Variants in TTLL5 observed in about 807,000 individuals in gnomAD.
The protein encoded by TTLL5 is tubulin tyrosine ligase like 5, also known as tubulin polyglutamylase TTLL5.
TTLL5 carries 132 observed loss-of-function variants against 168.4 expected under a neutral mutation model. The ratio of observed to expected loss-of-function variants is 0.78; its 90% CI spans 0.68 to 0.91. TTLL5 has a LOEUF of 0.91. Ranked by LOEUF, TTLL5 falls within the 40% of genes least tolerant of loss-of-function variation. The pLI is 0.00. For synonymous variants in TTLL5, 546 were observed against 558.6 expected (o/e 0.98, Z 0.32); for missense variants, 1,545 against 1,581.5 (o/e 0.98, Z 0.39).
intron 31 of TTLL5, among the ~76,000 whole-genome samples, chr14:75,902,986 A>G (rs2032991644): frequency 6.6e-6 from 1 of 152,202 alleles, no homozygotes; most frequent in Non-Finnish European, 1.5e-5. Flanking sequence ...GTATTATTGC[A>G]TGCCTGAGAC....
intron 26 of TTLL5, among the ~76,000 whole-genome samples, chr14:75,786,753 A>T (rs144590675): frequency 6.6e-6 from 1 of 152,338 alleles, no homozygotes; most frequent in East Asian, 1.9e-4. Context: ...GGGAGAAGAA[A>T]AATGAATTGT....
intron 17 of TTLL5, among the ~76,000 whole-genome samples, chr14:75,749,408 A>T (rs1889809677): frequency 6.6e-6 from 1 of 152,208 alleles, no homozygotes; most frequent in South Asian, 2.1e-4. Flanking sequence ...AAACCAAAAT[A>T]CTGTATTTTT....
intron 23 of TTLL5, among the ~76,000 whole-genome samples, chr14:75,779,309 A>G (rs956988048): frequency 6.6e-6 from 1 of 152,212 alleles, no homozygotes; most frequent in Non-Finnish European, 1.5e-5. Context: ...TTTGAATTTA[A>G]ATAGTCACAT....
In TTLL5 at chr14:75,735,309, G is replaced by A. The variant is rs1888812065; in HGVS notation, c.1281+20G>A. 1 of 1,613,090 alleles carries A rather than the reference G, an allele frequency of 6.2e-7. No individual in the cohort carries two copies. Among genetic ancestry groups the A allele is most frequent in the African/African-American group, 1.3e-5 (1 of 74,934 alleles). The stretch of plus-strand genomic sequence containing the variant: ...CCTCAGGTAAGCCAATTCCACAGCA[G>A]GGAGCCTGAAGGAGGCTTACTGGGA... On this transcript the variant is annotated intron_variant, in intron 15 of 31. Coordinates refer to ENST00000298832, the MANE Select transcript of TTLL5 (RefSeq NM_015072.5).
chr14:75,881,929 A>G (rs1457992643), intron 29 of TTLL5, among the ~76,000 whole-genome samples: 1 of 152,160 alleles, frequency 6.6e-6, no homozygotes, highest in African/African-American at 2.4e-5. Flanking sequence ...ATATGTTGAC[A>G]TTTGTGATGT....
chr14:75,945,069 A>T (rs886982091), intron 31 of TTLL5, among the ~76,000 whole-genome samples: 1 of 151,986 alleles, frequency 6.6e-6, no homozygotes, highest in African/African-American at 2.4e-5. Context: ...AGACGCCAGA[A>T]GTATGCCAGC....
Position 75,765,666 on chromosome 14 carries a change from C to A in TTLL5, c.1709-396C>A, listed in dbSNP as rs569960669. 2.6e-5 allele frequency among the ~76,000 whole-genome samples: 4 copies of A among 152,146 alleles called. No individual in the cohort carries two copies. In the South Asian group the frequency reaches 6.2e-4, roughly 24 times the overall value. ...TCGCTTGAGCCCAGGAGTTCGAGACCAGCCCAGGCAATCTGGCAAAATCCT... is the reference window on the plus strand; with the variant it reads ...TCGCTTGAGCCCAGGAGTTCGAGACAAGCCCAGGCAATCTGGCAAAATCCT... On this transcript the variant is annotated intron_variant, in intron 19 of 31. Coordinates refer to ENST00000298832, the MANE Select transcript of TTLL5 (RefSeq NM_015072.5).
chr14:75,683,753 A>T (rs2140122858), intron 5 of TTLL5, 97 bp downstream of exon 5: 1 of 906,140 alleles, frequency 1.1e-6, no homozygotes, highest in Non-Finnish European at 1.7e-6. Flanking sequence ...GAAGAGGAAG[A>T]TGAAAATGAA....
intron 30 of TTLL5, among the ~76,000 whole-genome samples, chr14:75,901,276 A>G (rs2032909370): frequency 6.6e-6 from 1 of 152,230 alleles, no homozygotes; most frequent in African/African-American, 2.4e-5. Flanking sequence ...GGTGATGGAT[A>G]CTAAGCAACC....
intron 26 of TTLL5, among the ~76,000 whole-genome samples, chr14:75,785,305 G>A (rs963113857): frequency 5.4e-5 from 8 of 149,078 alleles, no homozygotes; most frequent in South Asian, 2.2e-4. Context: ...TCAGCCTCCC[G>A]AGTAGTTGGG....
In TTLL5 at chr14:75,681,631, A is replaced by G. The variant is rs755167226; in HGVS notation, c.264+4A>G. ...GACAGCCCATGGATTTCATGAAGTA[A>G]GTTTATTTTTAATACCTCACCTGAT... On this transcript the variant is annotated splice_donor_region_variant and intron_variant, in intron 4 of 31. Transcript: ENST00000298832. 3.1e-6 allele frequency: 5 copies of G among 1,612,434 alleles called. No homozygotes were observed. Among genetic ancestry groups the G allele is most frequent in the Non-Finnish European group, 8.5e-7 (1 of 1,179,502 alleles).
Position 75,918,429 on chromosome 14 carries a change from C to T in TTLL5, c.3823+16205C>T, listed in dbSNP as rs141884158. 6.6e-5 allele frequency among the ~76,000 whole-genome samples: 10 copies of T among 152,296 alleles called. No homozygotes were observed. In the East Asian group the frequency reaches 1.9e-3, roughly 29 times the overall value. ...CATCACACTTCTGCAGCCCCTCTAC[C>T]ACCAGCTTCTTGACTGCTATAAATA... On this transcript the variant is annotated intron_variant, in intron 31 of 31. Transcript: ENST00000298832.
Position 75,882,672 on chromosome 14 carries a change from T to C in TTLL5, c.3523-13T>C, listed in dbSNP as rs751050091. 16 of 1,588,254 alleles carry C rather than the reference T, an allele frequency of 1.0e-5. No individual in the cohort carries two copies. In the African/African-American group the frequency reaches 1.4e-4, roughly 13 times the overall value. The stretch of plus-strand genomic sequence containing the variant: ...GATGTCCATCGATCATTTTTTTCCT[T>C]TTTTTTTTGTAGGCAATCTTTGGCA... On this transcript the variant is annotated splice_polypyrimidine_tract_variant and intron_variant, in intron 29 of 31. Coordinates refer to ENST00000298832, the MANE Select transcript of TTLL5 (RefSeq NM_015072.5).
chr14:75,741,046 T>A (rs1889232571), intron 15 of TTLL5, among the ~76,000 whole-genome samples: 1 of 152,236 alleles, frequency 6.6e-6, no homozygotes, highest in Non-Finnish European at 1.5e-5. Context: ...GAGAGTCATT[T>A]TCTGATTCAA....
At chr14:75,885,052 G>T (rs1195120861) in intron 30 of TTLL5, among the ~76,000 whole-genome samples, 3 of 151,728 alleles carry the variant, frequency 2.0e-5, no homozygotes, top group African/African-American at 7.3e-5. Context: ...AGGCACCCGA[G>T]TGGTACCAGC....
At chr14:75,905,359 G>C (rs949216827) in intron 31 of TTLL5, among the ~76,000 whole-genome samples, 3 of 152,150 alleles carry the variant, frequency 2.0e-5, no homozygotes, top group African/African-American at 7.2e-5. Context: ...CTGTTCTCTC[G>C]CAGTCTGAAT....
intron 31 of TTLL5, among the ~76,000 whole-genome samples, chr14:75,932,827 AG>A (rs1456253898): frequency 6.6e-6 from 1 of 152,100 alleles, no homozygotes; most frequent in Non-Finnish European, 1.5e-5. Flanking sequence ...CTTCTTCATG[AG>A]GTTGATGTGA....
chr14:75,847,323 A>G (rs980616157), intron 28 of TTLL5, among the ~76,000 whole-genome samples: 3 of 151,956 alleles, frequency 2.0e-5, no homozygotes, highest in Admixed American at 1.3e-4. Flanking sequence ...TTTTTATCAC[A>G]TTAATACCAA....
chr14:75,729,875 A>G (rs1273974484), intron 12 of TTLL5, among the ~76,000 whole-genome samples: 2 of 152,190 alleles, frequency 1.3e-5, no homozygotes, highest in African/African-American at 4.8e-5. Flanking sequence ...TCAGCCTGTC[A>G]ACTGAGATTC....
Sources: gnomAD v4.1 joint callset for allele counts (sites outside exome capture counted in the v4.1 genomes callset) on GRCh38, gnomAD v4.1.1 for gene constraint, MANE v1.5 for transcripts, NCBI Gene and HGNC (gene_info 2026-07-23, HGNC 2026-07-21) for gene names.